ALK: variants seen among roughly 807,000 people sequenced by gnomAD.
The protein encoded by ALK is ALK receptor tyrosine kinase.
A neutral mutation model predicts 163.1 loss-of-function variants in ALK; 74 were observed. The ratio of observed to expected loss-of-function variants is 0.45; its 90% CI spans 0.38 to 0.55. The LOEUF (loss-of-function observed/expected upper bound fraction) is 0.55. ALK is among the 20% of genes least tolerant of loss of function. ALK has a pLI of 0.00. For synonymous variants in ALK, 960 were observed against 843.2 expected, an observed-to-expected ratio of 1.14 and a Z score of -2.40; for missense variants, 2,063 against 2,105.3, an observed-to-expected ratio of 0.98 and a Z score of 0.39.
chr2:29,909,041 T>C (rs915775120), intron 1 of ALK, among the ~76,000 whole-genome samples: 6 of 152,196 alleles, frequency 3.9e-5, no homozygotes, highest in Non-Finnish European at 8.8e-5. Context: ...GTCTAATTTC[T>C]CTTTGGTGCG....
chr2:29,486,835 T>C (rs1251767408), intron 4 of ALK, among the ~76,000 whole-genome samples: 2 of 152,190 alleles, frequency 1.3e-5, no homozygotes, highest in Non-Finnish European at 1.5e-5. Context: ...TAGCATTTAA[T>C]TAAAACCAAA....
intron 4 of ALK, among the ~76,000 whole-genome samples, chr2:29,500,758 A>G (rs932234522): frequency 6.6e-6 from 1 of 152,006 alleles, no homozygotes; most frequent in African/African-American, 2.4e-5. Flanking sequence ...AGCTGGTTAA[A>G]TCTTCCCTTC....
chr2:29,446,090 C>A, intron 4 of ALK, among the ~76,000 whole-genome samples: 1 of 78,256 alleles, frequency 1.3e-5, no homozygotes, highest in Non-Finnish European at 2.2e-5. Context: ...CAGAGCGAGA[C>A]TCCGTCTCAA....
intron 1 of ALK, among the ~76,000 whole-genome samples, chr2:29,796,146 T>C (rs924093311): frequency 1.3e-5 from 2 of 152,142 alleles, no homozygotes; most frequent in African/African-American, 4.8e-5. Context: ...GATAAATAGA[T>C]AAATACTTCA....
chr2:29,275,583 C>T, intron 9 of ALK, 87 bp from the exon 10 acceptor site: 5 of 1,381,662 alleles, frequency 3.6e-6, no homozygotes, highest in Non-Finnish European at 5.1e-6. Context: ...GTGCTGATCA[C>T]CTGGCTCAGA....
chr2:29,585,693 A>G (rs975818966), intron 3 of ALK, among the ~76,000 whole-genome samples: 2 of 152,176 alleles, frequency 1.3e-5, no homozygotes, highest in African/African-American at 4.8e-5. Flanking sequence ...ATTTTTCCAC[A>G]AAATATCCTG....
chr2:29,817,958 G>A (rs536681407), intron 1 of ALK, among the ~76,000 whole-genome samples: 18 of 152,110 alleles, frequency 1.2e-4, no homozygotes, highest in Non-Finnish European at 1.5e-5. Context: ...AAAACCAAGC[G>A]CTTATGGCCA....
intron 4 of ALK, among the ~76,000 whole-genome samples, chr2:29,496,610 TCTC>T (rs1251391587): frequency 6.6e-6 from 1 of 152,176 alleles, no homozygotes; most frequent in East Asian, 1.9e-4. Context: ...AATATGACCT[TCTC>T]CTAGCTTCAT....
intron 1 of ALK, among the ~76,000 whole-genome samples, chr2:29,768,650 A>T (rs1385689134): frequency 6.6e-6 from 1 of 152,070 alleles, no homozygotes; most frequent in Admixed American, 6.5e-5. Context: ...TAATTACTTG[A>T]TATCTAAACT....
At chr2:29,475,197 T>C (rs1266607798) in intron 4 of ALK, among the ~76,000 whole-genome samples, 2 of 151,592 alleles carry the variant, frequency 1.3e-5, no homozygotes, top group South Asian at 2.1e-4. Context: ...AGAGGCCCTG[T>C]AGCCTGTCCT....
chr2:29,346,523 T>G (rs920810165), intron 5 of ALK, among the ~76,000 whole-genome samples: 5 of 152,348 alleles, frequency 3.3e-5, no homozygotes, highest in Non-Finnish European at 4.4e-5. Flanking sequence ...CCCACCAGGC[T>G]GGGGCGAGGT....
chr2:29,293,610 A>T (rs74658758), intron 9 of ALK, among the ~76,000 whole-genome samples: 18 of 152,222 alleles, frequency 1.2e-4, no homozygotes, highest in African/African-American at 3.6e-4. Context: ...TAACTTTAAC[A>T]TGCCTTTAAC....
chr2:29,789,250 G>A (rs1466719765), intron 1 of ALK, among the ~76,000 whole-genome samples: 1 of 152,182 alleles, frequency 6.6e-6, no homozygotes, highest in Non-Finnish European at 1.5e-5. Context: ...AGCAAATGCT[G>A]AGAATCTCCA....
chr2:29,884,901 A>G (rs1184744630), intron 1 of ALK, among the ~76,000 whole-genome samples: 1 of 152,212 alleles, frequency 6.6e-6, no homozygotes, highest in Non-Finnish European at 1.5e-5. Flanking sequence ...ATGGCCACAA[A>G]GCACATTTAT....
At position 29,873,997 on chromosome 2, in the gene ALK, C is replaced by T. The variant is rs533727828; in HGVS notation, c.667+45996G>A. Reference sequence around the variant, plus strand: ...CCCAAATTTAGCAGTGGAAGAAATACCGGTTCCATAAAGGATCCTCCTTAC... The same window carrying T: ...CCCAAATTTAGCAGTGGAAGAAATATCGGTTCCATAAAGGATCCTCCTTAC... On this transcript the variant is annotated intron_variant, in intron 1 of 28. Transcript: ENST00000389048. Among the ~76,000 whole-genome samples the T allele has an allele frequency of 5.3e-5, 8 of 152,230 alleles. No individual in the cohort carries two copies. The East Asian group carries it at 1.5e-3, about 29-fold the overall frequency.
chr2:29,600,727 G>T (rs1675358739), intron 3 of ALK, among the ~76,000 whole-genome samples: 1 of 152,198 alleles, frequency 6.6e-6, no homozygotes. Context: ...GCCAAAGATA[G>T]GTTGAGATGA....
chr2:29,696,266 C>T (rs559879724), intron 2 of ALK, among the ~76,000 whole-genome samples: 1 of 152,200 alleles, frequency 6.6e-6, no homozygotes, highest in African/African-American at 2.4e-5. Flanking sequence ...CCATCATTCT[C>T]AGCAAACTAA....
chr2:29,352,954 G>C (rs1306812101), intron 5 of ALK, among the ~76,000 whole-genome samples: 1 of 152,222 alleles, frequency 6.6e-6, no homozygotes, highest in Non-Finnish European at 1.5e-5. Flanking sequence ...TCAGTTTGTA[G>C]TTTAACTTTG....
At chr2:29,314,421 C>T (rs1305321734) in intron 8 of ALK, among the ~76,000 whole-genome samples, 3 of 152,036 alleles carry the variant, frequency 2.0e-5, no homozygotes, top group East Asian at 1.9e-4. Flanking sequence ...CTAGAGGTGA[C>T]GTCAGGGGTG....
Sources: gnomAD v4.1 joint callset for allele counts (sites outside exome capture counted in the v4.1 genomes callset) on GRCh38, gnomAD v4.1.1 for gene constraint, MANE v1.5 for transcripts, NCBI Gene and HGNC (gene_info 2026-07-23, HGNC 2026-07-21) for gene names.